The following HHAT variants were observed in gnomAD, a reference collection of about 807,000 sequenced individuals.
HHAT encodes hedgehog acyltransferase.
A neutral mutation model predicts 70.8 loss-of-function variants in HHAT; 47 were observed. The observed-to-expected ratio is 0.66, with a 90% CI of 0.53 to 0.85. The LOEUF (loss-of-function observed/expected upper bound fraction) is 0.85, where lower values mean the gene tolerates loss of function less well. HHAT is among the 40% of genes least tolerant of loss of function. The probability of loss-of-function intolerance (pLI) is 0.00; values close to 1 mark genes in which losing one functional copy is unlikely to be tolerated. For synonymous variants in HHAT, 228 were observed against 247.6 expected, an observed-to-expected ratio of 0.92 and a Z score of 0.74; for missense variants, 609 against 604.8, an observed-to-expected ratio of 1.01 and a Z score of -0.07.
intron 11 of HHAT, among the ~76,000 whole-genome samples, chr1:210,648,662 T>G (rs977731736): frequency 6.6e-6 from 1 of 152,216 alleles, no homozygotes; most frequent in Non-Finnish European, 1.5e-5. Flanking sequence ...ACAAGCTGAT[T>G]GATTATGCAC....
At chr1:210,345,342 A>G (rs1288331052) in intron 1 of HHAT, among the ~76,000 whole-genome samples, 2 of 152,186 alleles carry the variant, frequency 1.3e-5, no homozygotes, top group Non-Finnish European at 2.9e-5. Context: ...AATCATACAA[A>G]TGCATGACAA....
At chr1:210,335,931 T>TAAC (rs77614146) in intron 1 of HHAT, among the ~76,000 whole-genome samples, 114,671 of 151,822 alleles carry the variant, frequency 0.76, 44,497 homozygotes, top group African/African-American at 0.94. Context: ...TTGCCTCACA[T>TAAC]AACATGGATG....
chr1:210,559,613 AT>A (rs1174814404), intron 9 of HHAT, among the ~76,000 whole-genome samples: 1 of 152,218 alleles, frequency 6.6e-6, no homozygotes, highest in Non-Finnish European at 1.5e-5. Context: ...CAATTATGCC[AT>A]TCACAAAAAT....
At chr1:210,530,292 A>C (rs2095300939) in intron 9 of HHAT, among the ~76,000 whole-genome samples, 1 of 152,186 alleles carries the variant, frequency 6.6e-6, no homozygotes, top group African/African-American at 2.4e-5. Context: ...ATTCCTAGGA[A>C]ATACATATTC....
intron 4 of HHAT, 141 bp from the exon 5 acceptor site, chr1:210,400,327 A>T: frequency 1.3e-6 from 1 of 745,318 alleles, no homozygotes; most frequent in Non-Finnish European, 2.1e-6. Context: ...GGCAGTGATA[A>T]GAGTTTCTTT....
intron 4 of HHAT, among the ~76,000 whole-genome samples, chr1:210,398,788 C>T (rs1007322507): frequency 6.6e-6 from 1 of 152,074 alleles, no homozygotes; most frequent in Admixed American, 6.6e-5. Flanking sequence ...TAGTCTTTGG[C>T]CATGTATTCC....
At chr1:210,519,183 G>C (rs2095109980) in intron 9 of HHAT, among the ~76,000 whole-genome samples, 1 of 152,174 alleles carries the variant, frequency 6.6e-6, no homozygotes, top group African/African-American at 2.4e-5. Flanking sequence ...GGTATGACAA[G>C]AGTGACCCAA....
chr1:210,392,232 G>T (rs1353851028), intron 4 of HHAT, among the ~76,000 whole-genome samples: 1 of 152,116 alleles, frequency 6.6e-6, no homozygotes, highest in East Asian at 1.9e-4. Flanking sequence ...AAGGAAAGGT[G>T]GGAGTTGCCC....
chr1:210,463,739 C>T (rs2148436913), intron 7 of HHAT, among the ~76,000 whole-genome samples: 1 of 128,176 alleles, frequency 7.8e-6, no homozygotes, highest in African/African-American at 2.9e-5. Context: ...GACTGTTTTC[C>T]AAAGCAGCTG....
chr1:210,362,246 T>TTTTC (rs1023623283), intron 2 of HHAT, among the ~76,000 whole-genome samples: 10 of 120,136 alleles, frequency 8.3e-5, no homozygotes, highest in African/African-American at 2.6e-4. Flanking sequence ...CTTTTTTTTT[T>TTTTC]TTTTCTTTTC....
rs375484674 is a variant in HHAT, at chr1:210,578,509, G to T, written c.1044-9389G>T. Among the ~76,000 whole-genome samples the T allele has an allele frequency of 3.3e-5, 5 of 152,196 alleles. No homozygotes were observed. The East Asian group carries it at 5.8e-4, about 18-fold the overall frequency. ...TAATTGAAATCAGTATCTAGAAGAG[G>T]TATCTATATTTCCATATTCATTTCA... On this transcript the variant is annotated intron_variant, in intron 9 of 11. Transcript: ENST00000261458.
At chr1:210,630,059 TCTTGAA>T (rs1670576764) in intron 11 of HHAT, among the ~76,000 whole-genome samples, 1 of 152,146 alleles carries the variant, frequency 6.6e-6, no homozygotes, top group Non-Finnish European at 1.5e-5. Context: ...GTCAGGCTGG[TCTTGAA>T]CTCCTGACCT....
At chr1:210,645,915 T>C (rs537700307) in intron 11 of HHAT, among the ~76,000 whole-genome samples, 79 of 152,292 alleles carry the variant, frequency 5.2e-4, no homozygotes, top group African/African-American at 1.9e-3. Flanking sequence ...CTTTTTTTGA[T>C]CACTTTGGCC....
At chr1:210,493,985 A>G (rs1415822060) in intron 8 of HHAT, among the ~76,000 whole-genome samples, 1 of 152,206 alleles carries the variant, frequency 6.6e-6, no homozygotes, top group East Asian at 1.9e-4. Flanking sequence ...TCTGATGAAC[A>G]CAAGACATGC....
At chr1:210,645,764 G>C (rs1673917703) in intron 11 of HHAT, among the ~76,000 whole-genome samples, 1 of 152,124 alleles carries the variant, frequency 6.6e-6, no homozygotes, top group African/African-American at 2.4e-5. Context: ...AGTTGCCCAG[G>C]CCTTCCTGAT....
intron 6 of HHAT, among the ~76,000 whole-genome samples, chr1:210,415,510 A>G (rs2092694132): frequency 6.6e-6 from 1 of 152,206 alleles, no homozygotes; most frequent in South Asian, 2.1e-4. Context: ...GAGAACTCAA[A>G]TTCTGCTTCC....
intron 4 of HHAT, among the ~76,000 whole-genome samples, chr1:210,393,195 A>T (rs2091566420): frequency 6.6e-6 from 1 of 152,148 alleles, no homozygotes; most frequent in Non-Finnish European, 1.5e-5. Flanking sequence ...TTTCAGAGTT[A>T]TGCTTGCACA....
At chr1:210,672,620 C>A (rs774094673) in intron 11 of HHAT, among the ~76,000 whole-genome samples, 1 of 152,186 alleles carries the variant, frequency 6.6e-6, no homozygotes, top group Non-Finnish European at 1.5e-5. Context: ...CTTTCCCTTT[C>A]GGCATCTTGT....
chr1:210,531,899 C>T (rs2095318741), intron 9 of HHAT, among the ~76,000 whole-genome samples: 1 of 152,154 alleles, frequency 6.6e-6, no homozygotes, highest in Non-Finnish European at 1.5e-5. Context: ...TTTGACAAGA[C>T]AGATAGAAGA....
Sources: allele counts gnomAD v4.1 joint callset (sites outside exome capture counted in the v4.1 genomes callset), GRCh38; gene constraint gnomAD v4.1.1; transcripts MANE v1.5; gene names NCBI Gene and HGNC (gene_info 2026-07-23, HGNC 2026-07-21).